Variants in TRAK2 observed in about 807,000 individuals in gnomAD.
The protein encoded by TRAK2 is trafficking kinesin-binding protein 2.
A neutral mutation model predicts 104.6 loss-of-function variants in TRAK2; 81 were observed. The observed-to-expected ratio is 0.77, with a 90% CI of 0.65 to 0.93. The LOEUF is 0.93. Ranked by LOEUF, TRAK2 falls within the 40% of genes least tolerant of loss-of-function variation. The pLI is 0.00. For missense variants in TRAK2, 1,002 were observed against 1,089.0 expected, an observed-to-expected ratio of 0.92 and a Z score of 1.12; for synonymous variants, 406 against 394.4, an observed-to-expected ratio of 1.03 and a Z score of -0.35.
At chr2:201,414,299 G>T (rs1351235402) in intron 2 of TRAK2, among the ~76,000 whole-genome samples, 3 of 152,132 alleles carry the variant, frequency 2.0e-5, no homozygotes, top group Non-Finnish European at 4.4e-5. Flanking sequence ...AGTTATTTCT[G>T]TTAACATGCT....
chr2:201,380,533 C>A lies in TRAK2; in HGVS notation c.*10G>T, dbSNP rs752981884. Reference sequence around the variant, plus strand: ...CTAACTTGTATAAAAGGTCAGTTAACTGCTGAACCTCAGTCCTCCTTCAGG... The same window carrying A: ...CTAACTTGTATAAAAGGTCAGTTAAATGCTGAACCTCAGTCCTCCTTCAGG... On this transcript the variant is annotated 3_prime_UTR_variant, in exon 16 of 16. Transcript: ENST00000332624. The A allele has an allele frequency of 9.9e-6, 16 of 1,611,874 alleles. No individual in the cohort carries two copies. In the African/African-American group the frequency reaches 1.5e-4, roughly 15 times the overall value.
At chr2:201,449,806 G>A (rs567220204) in intron 1 of TRAK2, among the ~76,000 whole-genome samples, 4 of 152,086 alleles carry the variant, frequency 2.6e-5, no homozygotes, top group East Asian at 1.9e-4. Flanking sequence ...CACCACGCCC[G>A]GCTAATTTCT....
At chr2:201,425,195 G>C (rs1446420890) in intron 1 of TRAK2, among the ~76,000 whole-genome samples, 1 of 152,096 alleles carries the variant, frequency 6.6e-6, no homozygotes, top group Non-Finnish European at 1.5e-5. Flanking sequence ...TTCTACAGTA[G>C]AAAAATAGTT....
At position 201,381,067 on chromosome 2, in the gene TRAK2, A is replaced by G; in HGVS notation, c.2221T>C (p.Leu741=). The G allele has an allele frequency of 1.2e-6, 2 of 1,614,058 alleles. No homozygotes were observed. Among genetic ancestry groups the G allele is most frequent in the Non-Finnish European group, 1.7e-6 (2 of 1,179,966 alleles). ...STTTFSSTMS[L]AKLLQERGIS... ...CCTCGCTCTTGTAGAAGTTTGGCCA[A>G]GCTCATGGTGCTACTGAAGGTTGTA... The change falls in exon 16 of 16, where the codon TTG becomes CTG. Residue 741 remains leucine (L), a synonymous_variant. Coordinates refer to ENST00000332624, the MANE Select transcript of TRAK2 (RefSeq NM_015049.3).
At chr2:201,391,870 G>T (rs1019955806) in intron 10 of TRAK2, among the ~76,000 whole-genome samples, 1 of 152,086 alleles carries the variant, frequency 6.6e-6, no homozygotes, top group African/African-American at 2.4e-5. Flanking sequence ...AAAGACAGAA[G>T]AACTGTCCCA....
At chr2:201,394,745 G>T in intron 9 of TRAK2, 53 bp downstream of exon 9, 1 of 1,382,286 alleles carries the variant, frequency 7.2e-7, no homozygotes, top group East Asian at 2.3e-5. Flanking sequence ...GAAGATGAAA[G>T]AAACTAGTCA....
chr2:201,389,403 G>A lies in TRAK2; in HGVS notation c.1294C>T (p.Arg432Cys), dbSNP rs1951423221. The A allele has an allele frequency of 3.7e-6, 6 of 1,614,034 alleles. No individual in the cohort carries two copies. The highest frequency in any genetic ancestry group is 1.3e-5 in the African/African-American group (1 of 74,922). ...PALLPIPGSNRSSVIMTAKPF... is the reference protein window; with the variant it reads ...PALLPIPGSNCSSVIMTAKPF... ...TTTGCTGTCATGATGACACTTGAAC[G>A]GTTGGAGCCTGGAATGGGTAACAGA... The change falls in exon 12 of 16, where the codon CGT (arginine) becomes TGT (cysteine). Residue 432 changes from arginine (R) to cysteine (C), a missense_variant. By Grantham distance (180) the Arg-to-Cys change is radical. Coordinates refer to ENST00000332624, the MANE Select transcript of TRAK2 (RefSeq NM_015049.3).
intron 2 of TRAK2, chr2:201,412,673 G>C: frequency 1.3e-6 from 2 of 1,542,682 alleles, no homozygotes; most frequent in Non-Finnish European, 1.8e-6. Flanking sequence ...TCTTTACAAG[G>C]AAATTTAGGC....
At chr2:201,428,868 T>C (rs1347972377) in intron 1 of TRAK2, among the ~76,000 whole-genome samples, 3 of 152,246 alleles carry the variant, frequency 2.0e-5, no homozygotes, top group Non-Finnish European at 2.9e-5. Context: ...TAGTTCTCCT[T>C]GAAGAGGTCC....
At chr2:201,405,877 G>A (rs189407661) in intron 3 of TRAK2, among the ~76,000 whole-genome samples, 20 of 152,282 alleles carry the variant, frequency 1.3e-4, no homozygotes, top group African/African-American at 4.1e-4. Flanking sequence ...AGCTACTCAG[G>A]AGGCTGAGGC....
intron 1 of TRAK2, among the ~76,000 whole-genome samples, chr2:201,424,480 T>C (rs1951769375): frequency 6.6e-6 from 1 of 152,172 alleles, no homozygotes; most frequent in Non-Finnish European, 1.5e-5. Flanking sequence ...ATGCACTCGT[T>C]TGTAACTGGC....
At chr2:201,419,505 C>T (rs1951721524) in intron 2 of TRAK2, 1 of 76,954 alleles carries the variant, frequency 1.3e-5, no homozygotes, top group African/African-American at 5.9e-5. Flanking sequence ...AATTCTAGAA[C>T]AAGCAAACTT....
At chr2:201,419,728 A>G (rs971143277) in intron 2 of TRAK2, among the ~76,000 whole-genome samples, 1 of 151,546 alleles carries the variant, frequency 6.6e-6, no homozygotes, top group African/African-American at 2.5e-5. Flanking sequence ...TCCAATGATA[A>G]TAAATTAAAA....
chr2:201,399,244 G>A lies in TRAK2; in HGVS notation c.480+133C>T, dbSNP rs549028039. The A allele has an allele frequency of 5.8e-5, 34 of 591,178 alleles. 1 individual carries two copies. The African/African-American group carries it at 5.9e-4, about 10-fold the overall frequency. The allele number at this position is 591,178 out of a possible 1,614,324, so 36.6% of individuals were successfully genotyped here. ...TAATTTCTCTACTGATTAGTTTAAT[G>A]GACACCAACAAAGTGAACAAGTACT... On this transcript the variant is annotated intron_variant, in intron 5 of 15. Transcript: ENST00000332624.
At position 201,431,504 on chromosome 2, in the gene TRAK2, C is replaced by T. The variant is rs911193828; in HGVS notation, c.-199-10798G>A. ...CTTCCACCATCTTCTATGCCAGCTGCGTAGCATCTTCAAGTTTCTCTCTGC... is the reference window on the plus strand; with the variant it reads ...CTTCCACCATCTTCTATGCCAGCTGTGTAGCATCTTCAAGTTTCTCTCTGC... On this transcript the variant is annotated intron_variant, in intron 1 of 15. Coordinates refer to ENST00000332624, the MANE Select transcript of TRAK2 (RefSeq NM_015049.3). Among the ~76,000 whole-genome samples, 6 of 152,186 alleles carry T rather than the reference C, an allele frequency of 3.9e-5. No individual in the cohort carries two copies. In the South Asian group the frequency reaches 8.3e-4, roughly 21 times the overall value.
At chr2:201,399,641 G>GGT in intron 4 of TRAK2, 148 bp from the exon 5 acceptor site, 1 of 582,818 alleles carries the variant, frequency 1.7e-6, no homozygotes, top group Non-Finnish European at 3.1e-6. Flanking sequence ...ATAAACACAG[G>GGT]GTCTGGCACA....
At chr2:201,401,343 C>T (rs1341472777) in intron 3 of TRAK2, among the ~76,000 whole-genome samples, 4 of 152,072 alleles carry the variant, frequency 2.6e-5, no homozygotes, top group African/African-American at 7.2e-5. Context: ...AAAAGGCAGT[C>T]ACATCTTGAC....
chr2:201,413,425 G>A (rs890221242), intron 2 of TRAK2: 9 of 457,402 alleles, frequency 2.0e-5, no homozygotes, highest in Admixed American at 8.1e-5. Flanking sequence ...GCCTTCACAC[G>A]TGGCAGCTGG....
chr2:201,444,556 T>G (rs1951950551), intron 1 of TRAK2, among the ~76,000 whole-genome samples: 1 of 151,962 alleles, frequency 6.6e-6, no homozygotes, highest in Non-Finnish European at 1.5e-5. Flanking sequence ...CTACTTGATC[T>G]AAAGTAGCCT....
Sources: allele counts gnomAD v4.1 joint callset (sites outside exome capture counted in the v4.1 genomes callset), GRCh38; gene constraint gnomAD v4.1.1; transcripts MANE v1.5; gene names NCBI Gene and HGNC (gene_info 2026-07-23, HGNC 2026-07-21).